TELO2: variants seen among roughly 807,000 people sequenced by gnomAD.
TELO2 encodes the protein telomere maintenance 2, also known as telomere length regulation protein TEL2 homolog.
Under a neutral mutation model 91.0 loss-of-function variants are expected in TELO2, and 71 were observed. The ratio of observed to expected loss-of-function variants is 0.78; its 90% CI spans 0.64 to 0.95. The LOEUF is 0.95. Ranked by LOEUF, TELO2 falls within the 40% of genes least tolerant of loss-of-function variation. The probability of loss-of-function intolerance (pLI) is 0.00; values close to 1 mark genes in which losing one functional copy is unlikely to be tolerated. For synonymous variants in TELO2, 584 were observed against 518.9 expected, an observed-to-expected ratio of 1.13 and a Z score of -1.71; for missense variants, 1,183 against 1,141.3, an observed-to-expected ratio of 1.04 and a Z score of -0.53.
Position 1,497,930 on chromosome 16 carries a change from G to T in TELO2, c.830+422G>T, listed in dbSNP as rs1329159053. ...CCGGCCATTTACCCCCACAAACCCT[G>T]CCAGCTCACCTGCCTCAGATGTCTC... On this transcript the variant is annotated intron_variant, in intron 5 of 20. Transcript: ENST00000262319. The surrounding 1 kb of genome is among the most constrained non-coding windows in gnomAD (Gnocchi z 4.0). 2.0e-5 allele frequency among the ~76,000 whole-genome samples: 3 copies of T among 151,958 alleles called. No individual in the cohort carries two copies. The highest frequency in any genetic ancestry group is 2.9e-5 in the Non-Finnish European group (2 of 68,012).
intron 7 of TELO2, 52 bp from the exon 8 acceptor site, chr16:1,500,295 G>C: frequency 6.5e-7 from 1 of 1,540,078 alleles, no homozygotes; most frequent in Non-Finnish European, 8.7e-7. Context: ...TGGGCCTGGC[G>C]GGGACAGACT....
intron 20 of TELO2, 118 bp from the exon 21 acceptor site, chr16:1,509,712 C>A: frequency 2.2e-6 from 2 of 900,074 alleles, no homozygotes; most frequent in Non-Finnish European, 3.4e-6. Context: ...CAGACCCGAG[C>A]CCCCTTTCTT....
rs562258157 is a variant in TELO2 at position 1,510,024 on chromosome 16, G to T, written c.*88G>T. The stretch of plus-strand genomic sequence containing the variant: ...TGGAGCAGCAGAGCCAGGCTTTGTA[G>T]CGAGGCCAGGTCTTCGGCCGCATCC... On this transcript the variant is annotated 3_prime_UTR_variant, in exon 21 of 21. Coordinates refer to ENST00000262319, the MANE Select transcript of TELO2 (RefSeq NM_016111.4). The T allele has an allele frequency of 3.3e-6, 4 of 1,201,450 alleles. No individual in the cohort carries two copies. The highest frequency in any genetic ancestry group is 2.5e-4 in the Middle Eastern group (1 of 3,968). 74.4% of individuals were successfully genotyped at this position (1,201,450 alleles called of 1,614,324 possible).
Position 1,503,011 on chromosome 16 carries a change from C to T in TELO2, c.1842+9C>T, listed in dbSNP as rs574406085. ...GCATGGACATCCTGGATGTAAGTGCCTCCTGGGCCTCAGTCCCCCTGGTCT... is the reference window on the plus strand; with the variant it reads ...GCATGGACATCCTGGATGTAAGTGCTTCCTGGGCCTCAGTCCCCCTGGTCT... On this transcript the variant is annotated intron_variant, in intron 15 of 20. Coordinates refer to ENST00000262319, the MANE Select transcript of TELO2 (RefSeq NM_016111.4). 1.4e-4 allele frequency: 227 copies of T among 1,609,108 alleles called. 2 individuals are homozygous for T. In the South Asian group the frequency reaches 2.0e-3, roughly 14 times the overall value.
At chr16:1,495,318 G>T in intron 2 of TELO2, 28 bp from the exon 3 acceptor site, 1 of 1,514,238 alleles carries the variant, frequency 6.6e-7, no homozygotes, top group Non-Finnish European at 8.9e-7. Context: ...GGGGTTGGCG[G>T]CTCTGCCCAA....
At position 1,500,430 on chromosome 16, in the gene TELO2, G is replaced by A; in HGVS notation, c.1086G>A (p.Lys362=). Residue 362 remains lysine (K), a synonymous_variant, in exon 8 of 21, where the codon AAG becomes AAA. Transcript: ENST00000262319. ...TPLPQQRHVS[K]AVLICLAQLG... ...TGCCGCAGCAGCGCCACGTCAGCAA[G>A]GCTGTCCTCATCTGCCTGGCGCAAC... 1 of 1,608,574 alleles carries A rather than the reference G, an allele frequency of 6.2e-7. No homozygotes were observed. The highest frequency in any genetic ancestry group is 8.5e-7 in the Non-Finnish European group (1 of 1,178,600).
At chr16:1,502,526 G>C (rs970994861) in intron 13 of TELO2, 119 bp from the exon 14 acceptor site, 41 of 1,494,628 alleles carry the variant, frequency 2.7e-5, no homozygotes, top group Non-Finnish European at 3.5e-5. Flanking sequence ...TGCCTCTCCC[G>C]GGGGGCCTGC....
intron 18 of TELO2, 47 bp downstream of exon 18, chr16:1,507,098 T>G (rs1188314497): frequency 6.5e-7 from 1 of 1,550,112 alleles, no homozygotes; most frequent in Non-Finnish European, 8.7e-7. Flanking sequence ...TAACCATGGA[T>G]CAGGAGCGCT....
chr16:1,504,529 A>C (rs1343567025), intron 15 of TELO2, among the ~76,000 whole-genome samples: 1 of 144,794 alleles, frequency 6.9e-6, no homozygotes, highest in Non-Finnish European at 1.5e-5. Context: ...TGAGAACATG[A>C]GAACAACTCA....
Position 1,495,471 on chromosome 16 carries a change from A to G in TELO2, c.461A>G (p.Glu154Gly), listed in dbSNP as rs755530817. Residue 154 changes from glutamate to glycine, a missense_variant, in exon 3 of 21, where the codon GAG becomes GGG. Physicochemically the swap from Glu to Gly is moderately conservative, Grantham distance 98. Coordinates refer to ENST00000262319, the MANE Select transcript of TELO2 (RefSeq NM_016111.4). ...QTQPGFILLR[E>G]TLLGKVVALP... The stretch of plus-strand genomic sequence containing the variant: ...CAGCCCGGCTTCATCCTGCTCCGGG[A>G]GACGCTGCTGGGCAAGGTGGTGGCC... 1 of 1,610,242 alleles carries G rather than the reference A, an allele frequency of 6.2e-7. No homozygotes were observed. The highest frequency in any genetic ancestry group is 1.1e-5 in the South Asian group (1 of 90,926).
chr16:1,495,654 C>T (rs372916293), intron 3 of TELO2, 31 bp downstream of exon 3: 3 of 1,555,026 alleles, frequency 1.9e-6, no homozygotes, highest in Admixed American at 1.8e-5. Context: ...CCCCCTTTGC[C>T]ACCCGTCTTC....
chr16:1,506,618 C>T (rs1357358456), intron 17 of TELO2: 9 of 1,387,586 alleles, frequency 6.5e-6, no homozygotes, highest in Middle Eastern at 2.7e-4. Context: ...GGGCCCTGCT[C>T]GCCTCCTCCT....
chr16:1,503,816 CCACGGAACTGTA>C (rs1158551844), intron 15 of TELO2, among the ~76,000 whole-genome samples: 1 of 152,116 alleles, frequency 6.6e-6, no homozygotes, highest in Non-Finnish European at 1.5e-5. Flanking sequence ...CTTATTAATG[CCACGGAACTGTA>C]CACTTAAAGA....
rs973671814 is a variant in TELO2, at chr16:1,502,977, T to G, written c.1817T>G (p.Leu606Arg). 5.0e-6 allele frequency: 8 copies of G among 1,611,006 alleles called. No individual in the cohort carries two copies. The African/African-American group carries it at 9.3e-5, about 19-fold the overall frequency. Reference sequence around the variant, plus strand: ...CAGTTCTATGCCCTCAACTACAGCCTCCGGCAGCGCATGGACATCCTGGAT... The same window carrying G: ...CAGTTCTATGCCCTCAACTACAGCCGCCGGCAGCGCATGGACATCCTGGAT... ...TSQFYALNYS[L>R]RQRMDILDVL... Residue 606 changes from leucine to arginine, a missense_variant, in exon 15 of 21, where the codon CTC becomes CGC. Physicochemically the swap from Leu to Arg is moderately radical, Grantham distance 102. Coordinates refer to ENST00000262319, the MANE Select transcript of TELO2 (RefSeq NM_016111.4).
rs2039544791 is a variant in TELO2, at chr16:1,497,708, A to G, written c.830+200A>G. 6.6e-6 allele frequency among the ~76,000 whole-genome samples: 1 copy of G among 152,054 alleles called. No homozygotes were observed. ...CTGTATCAGAGGGTCCCTTTCTCTT[A>G]TGAAATAGCATCGATGCTGTGAACA... is the stretch of plus-strand genomic sequence containing the variant. On this transcript the variant is annotated intron_variant, in intron 5 of 20. Transcript: ENST00000262319. The surrounding 1 kb of genome is among the most constrained non-coding windows in gnomAD (Gnocchi z 4.0).
chr16:1,496,445 G>A (rs1229323564), intron 3 of TELO2, among the ~76,000 whole-genome samples: 2 of 152,234 alleles, frequency 1.3e-5, no homozygotes, highest in South Asian at 2.1e-4. Flanking sequence ...GCTGTGCATG[G>A]GCCCATGTAT....
At chr16:1,507,264 C>T (rs747435609) in intron 18 of TELO2, 42 bp from the exon 19 acceptor site, 71 of 1,598,344 alleles carry the variant, frequency 4.4e-5, no homozygotes, top group African/African-American at 1.9e-4. Flanking sequence ...GATGTGGGGA[C>T]GGCGTCGGGA....
chr16:1,507,608 C>T lies in TELO2; in HGVS notation c.2299C>T (p.Arg767Cys), dbSNP rs748283125. ...CCGCCTTCTTGCCGGCAGCTACGTGCGCCAGGGGCTGTTGTCGGCCGTCTC... is the reference window on the plus strand; with the variant it reads ...CCGCCTTCTTGCCGGCAGCTACGTGTGCCAGGGGCTGTTGTCGGCCGTCTC... ...ALRFHIDAYV[R>C]QGLLSAVSSV... The change falls in exon 20 of 21, where the codon CGC becomes TGC. Residue 767 changes from arginine to cysteine, a missense_variant. Transcript: ENST00000262319. 4.4e-6 allele frequency: 7 copies of T among 1,589,738 alleles called. No homozygotes were observed. The highest frequency in any genetic ancestry group is 6.0e-6 in the Non-Finnish European group (7 of 1,175,368).
chr16:1,505,819 T>G lies in TELO2; in HGVS notation c.2034+218T>G, dbSNP rs1411461195. On this transcript the variant is annotated intron_variant, in intron 16 of 20. Coordinates refer to ENST00000262319, the MANE Select transcript of TELO2 (RefSeq NM_016111.4). This position sits in a 1 kb window ranked among gnomAD's most constrained non-coding sequence, Gnocchi z 4.3. ...AGACTGGGCTTGGGGACATGATAAG[T>G]GACAGGTGTCCTGGTGGTGCTCTGT... 1.2e-4 allele frequency among the ~76,000 whole-genome samples: 18 copies of G among 152,178 alleles called. No homozygotes were observed. Among genetic ancestry groups the G allele is most frequent in the Non-Finnish European group, 2.6e-4 (18 of 68,014 alleles).
Sources: gnomAD v4.1 joint callset for allele counts (sites outside exome capture counted in the v4.1 genomes callset) on GRCh38, gnomAD v4.1.1 for gene constraint, Gnocchi (gnomAD v3.1) non-coding constraint, MANE v1.5 for transcripts, NCBI Gene and HGNC (gene_info 2026-07-23, HGNC 2026-07-21) for gene names.